The following LRRTM4 variants were observed in gnomAD, a reference collection of about 807,000 sequenced individuals.
The protein encoded by LRRTM4 is leucine-rich repeat transmembrane neuronal protein 4.
A neutral mutation model predicts 47.6 loss-of-function variants in LRRTM4; 25 were observed. That is an observed-to-expected ratio of 0.53 (90% confidence interval 0.38 to 0.73). The LOEUF (loss-of-function observed/expected upper bound fraction) is 0.73, where lower values mean the gene tolerates loss of function less well. Ranked by LOEUF, LRRTM4 falls within the 30% of genes least tolerant of loss-of-function variation. LRRTM4 has a pLI of 0.00. For missense variants in LRRTM4, 638 were observed against 713.4 expected, an observed-to-expected ratio of 0.89 and a Z score of 1.20; for synonymous variants, 311 against 269.5, an observed-to-expected ratio of 1.15 and a Z score of -1.51.
intron 3 of LRRTM4, among the ~76,000 whole-genome samples, chr2:76,787,786 C>A (rs1674758461): frequency 1.3e-5 from 2 of 152,052 alleles, no homozygotes; most frequent in Admixed American, 1.3e-4. Context: ...GATAGAGGTT[C>A]ACTTGATTTT....
At chr2:77,048,283 G>A (rs535422032) in intron 3 of LRRTM4, among the ~76,000 whole-genome samples, 43 of 152,090 alleles carry the variant, frequency 2.8e-4, no homozygotes, top group Non-Finnish European at 5.2e-4. Flanking sequence ...AAGTATTGGC[G>A]TGAGAAATTG....
At chr2:76,875,014 T>C (rs2104074654) in intron 3 of LRRTM4, among the ~76,000 whole-genome samples, 1 of 152,200 alleles carries the variant, frequency 6.6e-6, no homozygotes, top group East Asian at 1.9e-4. Flanking sequence ...ATATCTCTGA[T>C]CTGTTTTACT....
chr2:76,924,173 C>T (rs1674517169), intron 3 of LRRTM4, among the ~76,000 whole-genome samples: 1 of 152,024 alleles, frequency 6.6e-6, no homozygotes, highest in South Asian at 2.1e-4. Context: ...AAACTCATCT[C>T]CTTTCAGAAA....
Position 77,089,965 on chromosome 2 carries a change from A to T in LRRTM4, c.1552-341049T>A, listed in dbSNP as rs559667854. Among the ~76,000 whole-genome samples the T allele has an allele frequency of 4.8e-3, 735 of 151,870 alleles. 1 individual carries two copies. Among genetic ancestry groups the T allele is most frequent in the African/African-American group, 0.016 (655 of 41,390 alleles). On this transcript the variant is annotated intron_variant, in intron 3 of 3. Transcript: ENST00000409884. ...CCCAAATCTTCCTTCTTTCCCTCCC[A>T]TCTGTCCCCTCAGTACTAACCCCAA...
intron 3 of LRRTM4, among the ~76,000 whole-genome samples, chr2:76,897,120 G>C (rs1311283255): frequency 6.6e-6 from 1 of 152,060 alleles, no homozygotes; most frequent in Non-Finnish European, 1.5e-5. Context: ...CAATGAGTTT[G>C]AAAGCAATAC....
chr2:77,168,932 G>A (rs1428696964), intron 3 of LRRTM4, among the ~76,000 whole-genome samples: 1 of 152,016 alleles, frequency 6.6e-6, no homozygotes, highest in East Asian at 1.9e-4. Flanking sequence ...ACATATGCAA[G>A]TTAATATATA....
chr2:77,225,366 TAATAA>T lies in LRRTM4; in HGVS notation c.1551+292947_1551+292951del, dbSNP rs1317066699. Among the ~76,000 whole-genome samples, 6 of 139,972 alleles carry T rather than the reference TAATAA, an allele frequency of 4.3e-5. No individual in the cohort carries two copies. In the South Asian group the frequency reaches 8.9e-4, roughly 21 times the overall value. The allele number at this position is 139,972 out of a possible 152,430, so 91.8% of individuals were successfully genotyped here. ...TACCCTAAAACTTAAAGTATAATAA[TAATAA>T]AATAAAAAAAAAGACCCATAACTAG... On this transcript the variant is annotated intron_variant, in intron 3 of 3. Coordinates refer to ENST00000409884, the MANE Select transcript of LRRTM4 (RefSeq NM_001134745.3).
chr2:76,974,421 AC>A (rs1676348267), intron 3 of LRRTM4, among the ~76,000 whole-genome samples: 1 of 150,898 alleles, frequency 6.6e-6, no homozygotes, highest in Admixed American at 6.6e-5. Flanking sequence ...GAAACTATGC[AC>A]TGATTATATT....
chr2:77,080,970 C>G (rs1445579993), intron 3 of LRRTM4, among the ~76,000 whole-genome samples: 2 of 152,156 alleles, frequency 1.3e-5, no homozygotes, highest in African/African-American at 2.4e-5. Context: ...CACTTCCCAA[C>G]CAATTCCCAC....
At chr2:77,192,133 T>G (rs1673686821) in intron 3 of LRRTM4, among the ~76,000 whole-genome samples, 1 of 152,084 alleles carries the variant, frequency 6.6e-6, no homozygotes, top group African/African-American at 2.4e-5. Context: ...TGATTCTGTG[T>G]GTTCGTGGGT....
chr2:76,751,503 G>T (rs962949597), intron 3 of LRRTM4, among the ~76,000 whole-genome samples: 5 of 152,078 alleles, frequency 3.3e-5, no homozygotes, highest in Non-Finnish European at 7.4e-5. Flanking sequence ...CTTAATTTCT[G>T]TGCTGACAGA....
intron 3 of LRRTM4, among the ~76,000 whole-genome samples, chr2:77,439,428 G>A (rs1431427661): frequency 6.6e-6 from 1 of 151,364 alleles, no homozygotes; most frequent in Non-Finnish European, 1.5e-5. Context: ...ATTCAAATAG[G>A]TACATATTTA....
At chr2:77,276,686 CATATATATAT>C (rs3980215) in intron 3 of LRRTM4, among the ~76,000 whole-genome samples, 7,570 of 71,710 alleles carry the variant, frequency 0.11, 716 homozygotes, top group South Asian at 0.16. Flanking sequence ...TTTGTGTACG[CATATATATAT>C]ATATATATAT....
intron 3 of LRRTM4, among the ~76,000 whole-genome samples, chr2:77,283,437 G>A (rs973241418): frequency 2.6e-5 from 4 of 151,672 alleles, no homozygotes; most frequent in African/African-American, 7.3e-5. Context: ...AAGAACTTAA[G>A]ACTACCATTC....
intron 3 of LRRTM4, among the ~76,000 whole-genome samples, chr2:77,084,671 G>C (rs1431671701): frequency 6.6e-6 from 1 of 152,128 alleles, no homozygotes; most frequent in Non-Finnish European, 1.5e-5. Context: ...ATATTTTCAA[G>C]TTATTTAACC....
At chr2:77,235,919 C>A (rs1363261540) in intron 3 of LRRTM4, among the ~76,000 whole-genome samples, 1 of 151,980 alleles carries the variant, frequency 6.6e-6, no homozygotes, top group Non-Finnish European at 1.5e-5. Context: ...GCTACTGTAT[C>A]CCTGCCCTAT....
At chr2:77,263,072 T>C (rs937673742) in intron 3 of LRRTM4, among the ~76,000 whole-genome samples, 2 of 152,074 alleles carry the variant, frequency 1.3e-5, no homozygotes. Context: ...GGGCTGAAGG[T>C]TGAGTTAATC....
intron 3 of LRRTM4, among the ~76,000 whole-genome samples, chr2:77,103,178 G>A (rs1389963205): frequency 2.0e-5 from 3 of 152,146 alleles, no homozygotes; most frequent in Admixed American, 1.3e-4. Flanking sequence ...AGCAGACTGT[G>A]GTTCAGAGGT....
chr2:77,362,607 T>C (rs1378002913), intron 3 of LRRTM4, among the ~76,000 whole-genome samples: 2 of 152,146 alleles, frequency 1.3e-5, no homozygotes, highest in Non-Finnish European at 2.9e-5. Flanking sequence ...TGAACAGTAA[T>C]CTGGGGACTG....
Sources: gnomAD v4.1 joint callset for allele counts (sites outside exome capture counted in the v4.1 genomes callset) on GRCh38, gnomAD v4.1.1 for gene constraint, MANE v1.5 for transcripts, NCBI Gene and HGNC (gene_info 2026-07-23, HGNC 2026-07-21) for gene names.